Variants in DPP10 observed in about 807,000 individuals in gnomAD.
DPP10 encodes the protein dipeptidyl peptidase like 10, also known as inactive dipeptidyl peptidase 10.
A neutral mutation model predicts 120.9 loss-of-function variants in DPP10; 33 were observed. That is an observed-to-expected ratio of 0.27 (90% confidence interval 0.21 to 0.37). The LOEUF is 0.37. Ranked by LOEUF, DPP10 falls within the 10% of genes least tolerant of loss-of-function variation. The probability of loss-of-function intolerance (pLI) is 1.00; values close to 1 mark genes in which losing one functional copy is unlikely to be tolerated. For missense variants in DPP10, 816 were observed against 942.8 expected, an observed-to-expected ratio of 0.87 and a Z score of 1.76; for synonymous variants, 337 against 326.1, an observed-to-expected ratio of 1.03 and a Z score of -0.36.
At chr2:114,791,507 C>T (rs901991925) in intron 1 of DPP10, among the ~76,000 whole-genome samples, 2 of 152,120 alleles carry the variant, frequency 1.3e-5, no homozygotes, top group Non-Finnish European at 2.9e-5. Flanking sequence ...CCCAATTTGT[C>T]GCTCTTCTGA....
chr2:115,293,513 T>C (rs968403054), intron 1 of DPP10, among the ~76,000 whole-genome samples: 2 of 152,082 alleles, frequency 1.3e-5, no homozygotes, highest in Non-Finnish European at 2.9e-5. Flanking sequence ...TTCTTTTTCT[T>C]ATGATTCAAC....
At chr2:114,638,202 G>C (rs1241049997) in intron 1 of DPP10, among the ~76,000 whole-genome samples, 1 of 151,516 alleles carries the variant, frequency 6.6e-6, no homozygotes, top group Non-Finnish European at 1.5e-5. Flanking sequence ...CATCTCCTTG[G>C]TTAGCTGTAT....
Position 114,689,039 on chromosome 2 carries a change from C to T in DPP10, c.60+246201C>T, listed in dbSNP as rs138404143. Among the ~76,000 whole-genome samples the T allele has an allele frequency of 2.0e-3, 307 of 151,494 alleles. 2 individuals are homozygous for T. Among genetic ancestry groups the T allele is most frequent in the Non-Finnish European group, 3.0e-3 (200 of 67,784 alleles). ...TTATTGCTCAGTCCAGCTTCCCCTC[C>T]GTGGTTTGTTTTTTTTTAATTTCTA... On this transcript the variant is annotated intron_variant, in intron 1 of 25. Coordinates refer to ENST00000410059, the MANE Select transcript of DPP10 (RefSeq NM_020868.6).
At chr2:115,044,948 A>T (rs912004303) in intron 1 of DPP10, among the ~76,000 whole-genome samples, 2 of 152,140 alleles carry the variant, frequency 1.3e-5, no homozygotes, top group South Asian at 4.1e-4. Flanking sequence ...AAATGACAGG[A>T]TCTCATTCTT....
chr2:115,731,391 G>A (rs1472959323), intron 8 of DPP10, among the ~76,000 whole-genome samples: 2 of 151,618 alleles, frequency 1.3e-5, no homozygotes, highest in East Asian at 3.9e-4. Flanking sequence ...GGGTGGTGGG[G>A]TAGCACATAC....
chr2:115,766,046 T>A (rs1337687628), intron 12 of DPP10, among the ~76,000 whole-genome samples: 1 of 151,902 alleles, frequency 6.6e-6, no homozygotes, highest in Non-Finnish European at 1.5e-5. Flanking sequence ...ATTATTGAGC[T>A]CAATTTACAT....
At chr2:115,459,515 A>G (rs1179402204) in intron 3 of DPP10, among the ~76,000 whole-genome samples, 1 of 152,056 alleles carries the variant, frequency 6.6e-6, no homozygotes, top group East Asian at 1.9e-4. Context: ...TATTGTTTTG[A>G]TTACCATGGC....
At chr2:115,594,607 A>G (rs954522343) in intron 5 of DPP10, among the ~76,000 whole-genome samples, 1 of 152,144 alleles carries the variant, frequency 6.6e-6, no homozygotes, top group African/African-American at 2.4e-5. Context: ...TCTCTAGTCC[A>G]ATGGCACAAT....
chr2:115,281,890 A>T (rs1032105354), intron 1 of DPP10, among the ~76,000 whole-genome samples: 3 of 152,172 alleles, frequency 2.0e-5, no homozygotes. Context: ...GAGAAATTTT[A>T]GAAATTTTAA....
At chr2:115,212,685 T>A (rs2056594640) in intron 1 of DPP10, among the ~76,000 whole-genome samples, 1 of 152,184 alleles carries the variant, frequency 6.6e-6, no homozygotes, top group African/African-American at 2.4e-5. Context: ...TAAAAATAGT[T>A]ATTTATGTGT....
At chr2:114,955,710 A>G (rs1698148955) in intron 1 of DPP10, among the ~76,000 whole-genome samples, 1 of 152,208 alleles carries the variant, frequency 6.6e-6, no homozygotes, top group African/African-American at 2.4e-5. Context: ...AATATAGCAA[A>G]CCAAGTTTAA....
chr2:114,967,841 C>G (rs1345825143), intron 1 of DPP10, among the ~76,000 whole-genome samples: 2 of 152,024 alleles, frequency 1.3e-5, no homozygotes, highest in African/African-American at 4.8e-5. Flanking sequence ...TTCCTTGCCT[C>G]TTCTAGAGTG....
At chr2:115,424,805 TCA>T (rs1364043129) in intron 3 of DPP10, among the ~76,000 whole-genome samples, 22 of 152,274 alleles carry the variant, frequency 1.4e-4, no homozygotes, top group Middle Eastern at 6.8e-3. Context: ...TTGGTACCAG[TCA>T]CTAAGATAAA....
At chr2:114,666,378 A>G (rs1697922482) in intron 1 of DPP10, among the ~76,000 whole-genome samples, 1 of 152,218 alleles carries the variant, frequency 6.6e-6, no homozygotes, top group Non-Finnish European at 1.5e-5. Flanking sequence ...TATAAAAAAG[A>G]ATACCAAAGG....
At chr2:115,055,467 G>C (rs1011157844) in intron 1 of DPP10, among the ~76,000 whole-genome samples, 1 of 152,138 alleles carries the variant, frequency 6.6e-6, no homozygotes, top group African/African-American at 2.4e-5. Flanking sequence ...AGTGGTAGAA[G>C]AAAACGACAG....
chr2:115,738,287 C>T (rs765588240), intron 8 of DPP10, among the ~76,000 whole-genome samples: 3 of 152,166 alleles, frequency 2.0e-5, no homozygotes, highest in Non-Finnish European at 2.9e-5. Flanking sequence ...AAGATACCAT[C>T]GTGACCTTTG....
intron 11 of DPP10, among the ~76,000 whole-genome samples, chr2:115,758,851 T>C (rs1401092045): frequency 3.3e-5 from 5 of 152,094 alleles, no homozygotes; most frequent in Admixed American, 2.0e-4. Context: ...TGGAGAAAAA[T>C]GGTGCTGAAA....
intron 1 of DPP10, among the ~76,000 whole-genome samples, chr2:114,960,157 C>G (rs1451018524): frequency 6.6e-6 from 1 of 152,086 alleles, no homozygotes; most frequent in Non-Finnish European, 1.5e-5. Context: ...TCATCTCCTA[C>G]CAAACCCATT....
chr2:114,533,728 T>A (rs551488962), intron 1 of DPP10, among the ~76,000 whole-genome samples: 1 of 152,198 alleles, frequency 6.6e-6, no homozygotes, highest in Non-Finnish European at 1.5e-5. Context: ...TTTGCCCGGG[T>A]TTAGACTTTT....
Sources: gnomAD v4.1 joint callset for allele counts (sites outside exome capture counted in the v4.1 genomes callset) on GRCh38, gnomAD v4.1.1 for gene constraint, MANE v1.5 for transcripts, NCBI Gene and HGNC (gene_info 2026-07-23, HGNC 2026-07-21) for gene names.